Variants in COLEC10 observed in about 807,000 individuals in gnomAD.
COLEC10 encodes the protein collectin subfamily member 10.
COLEC10 carries 22 observed loss-of-function variants against 28.4 expected under a neutral mutation model. That is an observed-to-expected ratio of 0.78 (90% CI 0.55 to 1.11). The LOEUF (loss-of-function observed/expected upper bound fraction) is 1.11. Ranked by LOEUF, COLEC10 falls within the 50% of genes least tolerant of loss-of-function variation. The probability of loss-of-function intolerance (pLI) is 0.00; values close to 1 mark genes in which losing one functional copy is unlikely to be tolerated. For synonymous variants in COLEC10, 125 were observed against 116.1 expected, an observed-to-expected ratio of 1.08 and a Z score of -0.49; for missense variants, 361 against 344.1, an observed-to-expected ratio of 1.05 and a Z score of -0.39.
At chr8:119,038,245 A>T (rs1305757837) in intron 2 of COLEC10, among the ~76,000 whole-genome samples, 1 of 152,208 alleles carries the variant, frequency 6.6e-6, no homozygotes, top group African/African-American at 2.4e-5. Flanking sequence ...AGCATTATTC[A>T]ACTTCTTGAG....
chr8:118,976,730 A>C, the COLEC10 span: 2 of 152,342 alleles, frequency 1.3e-5, no homozygotes, highest in Non-Finnish European at 2.9e-5. Flanking sequence ...AATGGCAACA[A>C]AAGCCAAAAT....
chr8:119,024,321 A>T (rs1162506920), intron 2 of COLEC10, among the ~76,000 whole-genome samples: 5 of 149,812 alleles, frequency 3.3e-5, no homozygotes, highest in Admixed American at 1.3e-4. Flanking sequence ...ATAAAATAGG[A>T]AAAAAACGTA....
chr8:119,033,864 C>T (rs1233731970), intron 2 of COLEC10, among the ~76,000 whole-genome samples: 1 of 152,072 alleles, frequency 6.6e-6, no homozygotes, highest in Admixed American at 6.5e-5. Flanking sequence ...GCAGAAATAC[C>T]ATCTGACCCA....
chr8:118,970,250 A>G, the COLEC10 span, among the ~76,000 whole-genome samples: 3 of 152,028 alleles, frequency 2.0e-5, no homozygotes, highest in Admixed American at 2.0e-4. Flanking sequence ...AATTATTGTA[A>G]GAAAGAGGAA....
intron 2 of COLEC10, among the ~76,000 whole-genome samples, chr8:119,090,745 A>G (rs1251261606): frequency 6.6e-6 from 1 of 152,146 alleles, no homozygotes; most frequent in Non-Finnish European, 1.5e-5. Flanking sequence ...AAGTGGCACA[A>G]TTGTTAAATC....
the COLEC10 span, among the ~76,000 whole-genome samples, chr8:118,974,523 G>A: frequency 6.6e-6 from 1 of 151,964 alleles, no homozygotes; most frequent in South Asian, 2.1e-4. Context: ...AAGCAACTTT[G>A]TGTCCCTAAC....
intron 1 of COLEC10, among the ~76,000 whole-genome samples, chr8:119,076,471 C>T (rs901976495): frequency 1.3e-5 from 2 of 152,086 alleles, no homozygotes; most frequent in African/African-American, 2.4e-5. Flanking sequence ...CCATGTTGGC[C>T]AGGCTGGTCT....
chr8:119,051,577 C>G (rs965052605), intron 2 of COLEC10, among the ~76,000 whole-genome samples: 1 of 152,098 alleles, frequency 6.6e-6, no homozygotes, highest in Non-Finnish European at 1.5e-5. Context: ...TCACTGTTCA[C>G]AGAATGCTCA....
chr8:119,089,639 G>C (rs1023937987), intron 1 of COLEC10, 41 bp from the exon 2 acceptor site: 3 of 1,498,494 alleles, frequency 2.0e-6, no homozygotes, highest in African/African-American at 1.4e-5. Context: ...TCATGTTACT[G>C]TTTGAGATGC....
At chr8:118,981,315 T>A in the COLEC10 span, among the ~76,000 whole-genome samples, 1 of 152,152 alleles carries the variant, frequency 6.6e-6, no homozygotes, top group African/African-American at 2.4e-5. Flanking sequence ...CTCTGTGATA[T>A]CCTTTACATT....
At chr8:119,000,992 G>T (rs995075426) in intron 1 of COLEC10, among the ~76,000 whole-genome samples, 1 of 152,130 alleles carries the variant, frequency 6.6e-6, no homozygotes, top group Non-Finnish European at 1.5e-5. Flanking sequence ...TAACAAAAGG[G>T]CAGAGGAGTT....
chr8:119,035,251 G>A (rs576954141), intron 2 of COLEC10, among the ~76,000 whole-genome samples: 1 of 152,166 alleles, frequency 6.6e-6, no homozygotes, highest in African/African-American at 2.4e-5. Context: ...GGCTTTATAC[G>A]TGCATCAGCC....
At chr8:118,994,548 A>G (rs1289149241), upstream of COLEC10, among the ~76,000 whole-genome samples, 2 of 152,186 alleles carry the variant, frequency 1.3e-5, no homozygotes, top group Non-Finnish European at 2.9e-5. Context: ...TATGATCACC[A>G]TTGTTCAGAC....
Position 119,108,408 on chromosome 8 carries a change from T to C in COLEC10, c.*2217T>C, listed in dbSNP as rs1815996245. ...GAGTATTTATTGTGTGCACTGTTAGTGCTATTATTATTTACTGTGAATGTT... is the reference window on the plus strand; with the variant it reads ...GAGTATTTATTGTGTGCACTGTTAGCGCTATTATTATTTACTGTGAATGTT... On this transcript the variant is annotated 3_prime_UTR_variant, in exon 6 of 6. Transcript: ENST00000332843. Among the ~76,000 whole-genome samples, 1 of 152,200 alleles carries C rather than the reference T, an allele frequency of 6.6e-6. No individual in the cohort carries two copies. The highest frequency in any genetic ancestry group is 1.5e-5 in the Non-Finnish European group (1 of 68,038).
At chr8:118,989,510 G>T in the COLEC10 span, among the ~76,000 whole-genome samples, 5 of 140,180 alleles carry the variant, frequency 3.6e-5, no homozygotes, top group African/African-American at 5.4e-5. Context: ...CACCAAGCAG[G>T]ATTTAAAAAA....
intron 1 of COLEC10, among the ~76,000 whole-genome samples, chr8:119,068,985 T>C (rs1373258780): frequency 6.6e-6 from 1 of 151,942 alleles, no homozygotes; most frequent in Non-Finnish European, 1.5e-5. Flanking sequence ...TAAAATTTAA[T>C]AAATTTTGTT....
At chr8:118,980,809 G>GA in the COLEC10 span, among the ~76,000 whole-genome samples, 1 of 151,910 alleles carries the variant, frequency 6.6e-6, no homozygotes, top group Non-Finnish European at 1.5e-5. Flanking sequence ...TTTAATATGT[G>GA]AAAAAAGATG....
the COLEC10 span, among the ~76,000 whole-genome samples, chr8:118,973,060 C>T: frequency 6.6e-6 from 1 of 151,928 alleles, no homozygotes; most frequent in Non-Finnish European, 1.5e-5. Context: ...GGGTCCCTCC[C>T]ATGACATGTG....
At chr8:119,035,641 C>A (rs17771512) in intron 2 of COLEC10, among the ~76,000 whole-genome samples, 11,224 of 152,264 alleles carry the variant, frequency 0.074, 487 homozygotes, top group South Asian at 0.11. Context: ...CCAAAGACCA[C>A]CACAGAGTTC....
Sources: gnomAD v4.1 joint callset for allele counts (sites outside exome capture counted in the v4.1 genomes callset) on GRCh38, gnomAD v4.1.1 for gene constraint, MANE v1.5 for transcripts, NCBI Gene and HGNC (gene_info 2026-07-23, HGNC 2026-07-21) for gene names.